UNC13C: variants seen among roughly 807,000 people sequenced by gnomAD.
The protein encoded by UNC13C is protein unc-13 homolog C.
A neutral mutation model predicts 245.4 loss-of-function variants in UNC13C; 174 were observed. That is an observed-to-expected ratio of 0.71 (90% CI 0.63 to 0.80). UNC13C has a LOEUF of 0.80. Ranked by LOEUF, UNC13C falls within the 30% of genes least tolerant of loss-of-function variation. The pLI, the probability that UNC13C is intolerant of heterozygous loss-of-function variation, is 0.00. For synonymous variants in UNC13C, 992 were observed against 895.1 expected, an observed-to-expected ratio of 1.11 and a Z score of -1.93; for missense variants, 2,829 against 2,602.9, an observed-to-expected ratio of 1.09 and a Z score of -1.89.
At chr15:54,209,759 C>T (rs1040058646) in intron 4 of UNC13C, among the ~76,000 whole-genome samples, 1 of 152,098 alleles carries the variant, frequency 6.6e-6, no homozygotes, top group Admixed American at 6.6e-5. Context: ...CTAGAAGGTT[C>T]TACCTCTTAA....
chr15:53,948,877 G>T, the UNC13C span, among the ~76,000 whole-genome samples: 1 of 152,138 alleles, frequency 6.6e-6, no homozygotes, highest in Admixed American at 6.5e-5. Context: ...GAGAAATGAA[G>T]CTAGAGAGGG....
In UNC13C at chr15:54,015,751, G is replaced by T. The variant is rs1374552698; in HGVS notation, c.2848G>T (p.Asp950Tyr). 1 of 1,613,054 alleles carries T rather than the reference G, an allele frequency of 6.2e-7. No homozygotes were observed. Among genetic ancestry groups the T allele is most frequent in the Non-Finnish European group, 8.5e-7 (1 of 1,179,468 alleles). The change falls in exon 2 of 33, where the codon GAT becomes TAT. Residue 950 changes from aspartate (D) to tyrosine (Y), a missense_variant. Transcript: ENST00000260323. ...ETSAEMEIRE[D>Y]ENQNIPEQPV... Reference sequence around the variant, plus strand: ...ATCAGCTGAGATGGAAATAAGAGAAGATGAAAACCAAAACATTCCTGAACA... The same window carrying T: ...ATCAGCTGAGATGGAAATAAGAGAATATGAAAACCAAAACATTCCTGAACA...
chr15:54,039,975 C>G (rs779335501), intron 2 of UNC13C, among the ~76,000 whole-genome samples: 2 of 152,018 alleles, frequency 1.3e-5, no homozygotes, highest in Non-Finnish European at 2.9e-5. Context: ...CTTTTCAAAA[C>G]TCTGCAATGT....
chr15:54,183,106 C>T (rs540258800), intron 4 of UNC13C, among the ~76,000 whole-genome samples: 40 of 150,804 alleles, frequency 2.7e-4, no homozygotes, highest in Admixed American at 8.0e-4. Context: ...TTTTACAAAC[C>T]CGAAAGAAGT....
intron 8 of UNC13C, among the ~76,000 whole-genome samples, chr15:54,258,231 C>T (rs2036331212): frequency 6.6e-6 from 1 of 152,044 alleles, no homozygotes; most frequent in African/African-American, 2.4e-5. Context: ...TAAGCCCTTC[C>T]TTGGCCCTCA....
At chr15:54,397,832 C>G (rs544745394) in intron 18 of UNC13C, among the ~76,000 whole-genome samples, 24 of 151,178 alleles carry the variant, frequency 1.6e-4, no homozygotes, top group African/African-American at 5.8e-4. Flanking sequence ...ATATCTTCAG[C>G]CTTTCTAAAT....
At chr15:54,548,208 C>CTTTGTTTTTTTTT (rs1566901777) in intron 27 of UNC13C, among the ~76,000 whole-genome samples, 1 of 61,878 alleles carries the variant, frequency 1.6e-5, no homozygotes, top group African/African-American at 4.4e-5. Context: ...GTTTCTTTTG[C>CTTTGTTTTTTTTT]TTTTTTTTTT....
At position 54,589,012 on chromosome 15, in the gene UNC13C, G is replaced by A. The variant is rs559198025; in HGVS notation, c.6106+21065G>A. Among the ~76,000 whole-genome samples, 720 of 152,248 alleles carry A rather than the reference G, an allele frequency of 4.7e-3. 7 individuals are homozygous for A. The highest frequency in any genetic ancestry group is 0.017 in the African/African-American group (698 of 41,534). ...TGGGTAGATACCCAGTAGTGAGATT[G>A]CTGGATCAAATGGTAATTCTACTTT... On this transcript the variant is annotated intron_variant, in intron 30 of 32. Transcript: ENST00000260323.
At chr15:54,465,312 T>A (rs1346503795) in intron 19 of UNC13C, among the ~76,000 whole-genome samples, 2 of 152,072 alleles carry the variant, frequency 1.3e-5, no homozygotes, top group South Asian at 2.1e-4. Context: ...GTATTCATAG[T>A]TCATTTAGCC....
At chr15:54,623,746 A>G in intron 31 of UNC13C, 49 bp from the exon 32 acceptor site, 1 of 1,544,922 alleles carries the variant, frequency 6.5e-7, no homozygotes, top group Non-Finnish European at 8.8e-7. Context: ...ATTTCACTCT[A>G]AATTTCCACA....
intron 4 of UNC13C, among the ~76,000 whole-genome samples, chr15:54,144,264 T>C (rs2032157613): frequency 6.6e-6 from 1 of 152,138 alleles, no homozygotes; most frequent in Non-Finnish European, 1.5e-5. Context: ...TGAATGTTCA[T>C]AGGCATTTTT....
At chr15:54,486,137 T>C (rs628645) in intron 19 of UNC13C, among the ~76,000 whole-genome samples, 89,802 of 151,522 alleles carry the variant, frequency 0.59, 26,758 homozygotes, top group East Asian at 0.79. Context: ...TGGCCGGGCA[T>C]GGTGGCTCAT....
At chr15:54,204,829 A>G (rs1280282591) in intron 4 of UNC13C, among the ~76,000 whole-genome samples, 1 of 151,992 alleles carries the variant, frequency 6.6e-6, no homozygotes, top group Admixed American at 6.6e-5. Context: ...GGGAAAGTCG[A>G]CAGTATTGGA....
At position 54,179,808 on chromosome 15, in the gene UNC13C, C is replaced by G. The variant is rs549295995; in HGVS notation, c.3071+36124C>G. Among the ~76,000 whole-genome samples the G allele has an allele frequency of 2.0e-5, 3 of 151,830 alleles. No homozygotes were observed. The East Asian group carries it at 5.8e-4, about 29-fold the overall frequency. ...ATTCAAAAGTCTAACAGCACCCAAG[C>G]AGGATAAATAAGAAATGATCACAAC... On this transcript the variant is annotated intron_variant, in intron 4 of 32. Transcript: ENST00000260323.
the UNC13C span, among the ~76,000 whole-genome samples, chr15:53,863,580 C>T: frequency 2.0e-5 from 3 of 152,084 alleles, no homozygotes; most frequent in African/African-American, 7.2e-5. Context: ...CCTCAAGTGT[C>T]AACAATCAGA....
At chr15:54,384,471 A>T (rs1474789077) in intron 17 of UNC13C, among the ~76,000 whole-genome samples, 2 of 152,084 alleles carry the variant, frequency 1.3e-5, no homozygotes, top group Non-Finnish European at 2.9e-5. Context: ...AAAGAATGAA[A>T]CTGGACCCCT....
At chr15:54,495,296 G>A (rs1208995389) in intron 20 of UNC13C, among the ~76,000 whole-genome samples, 1 of 152,020 alleles carries the variant, frequency 6.6e-6, no homozygotes, top group Non-Finnish European at 1.5e-5. Context: ...TCCAAGTGCT[G>A]TAGAGCAATA....
chr15:54,048,495 G>A, intron 2 of UNC13C: 1 of 602,288 alleles, frequency 1.7e-6, no homozygotes, highest in South Asian at 1.4e-5. Context: ...TCAGCCTCCT[G>A]TATGTTTCCA....
At chr15:53,867,612 G>C in the UNC13C span, among the ~76,000 whole-genome samples, 2 of 152,182 alleles carry the variant, frequency 1.3e-5, no homozygotes, top group African/African-American at 4.8e-5. Flanking sequence ...AGAGGGATGG[G>C]ATAGGATTGC....
Sources: allele counts gnomAD v4.1 joint callset (sites outside exome capture counted in the v4.1 genomes callset), GRCh38; gene constraint gnomAD v4.1.1; transcripts MANE v1.5; gene names NCBI Gene and HGNC (gene_info 2026-07-23, HGNC 2026-07-21).